The following DOCK5 variants were observed in gnomAD, a reference collection of about 807,000 sequenced individuals.
DOCK5 encodes dedicator of cytokinesis protein 5.
A neutral mutation model predicts 251.8 loss-of-function variants in DOCK5; 142 were observed. The observed-to-expected ratio is 0.56, with a 90% confidence interval of 0.49 to 0.65. The LOEUF (loss-of-function observed/expected upper bound fraction) is 0.65, where lower values mean the gene tolerates loss of function less well. Among genes scored for constraint, DOCK5 ranks in the 30% least tolerant of loss-of-function variants. The pLI is 0.00. For synonymous variants in DOCK5, 842 were observed against 835.5 expected, an observed-to-expected ratio of 1.01 and a Z score of -0.13; for missense variants, 2,111 against 2,312.3, an observed-to-expected ratio of 0.91 and a Z score of 1.79.
At chr8:25,233,458 T>TG (rs1802721311) in intron 1 of DOCK5, among the ~76,000 whole-genome samples, 1 of 152,204 alleles carries the variant, frequency 6.6e-6, no homozygotes, top group Non-Finnish European at 1.5e-5. Context: ...ACCTTTTTGA[T>TG]TGTGTACTTG....
Position 25,411,616 on chromosome 8 carries a change from G to C in DOCK5, c.*318G>C, listed in dbSNP as rs1259875852. 1 of 236,592 alleles carries C rather than the reference G, an allele frequency of 4.2e-6. No homozygotes were observed. 14.7% of individuals were successfully genotyped at this position (236,592 alleles called of 1,614,324 possible). ...GAGACATGGTGGTCTGCACAAGCCT[G>C]GACAAGTTCTTCCATATTGATGGTG... On this transcript the variant is annotated 3_prime_UTR_variant, in exon 52 of 52. Transcript: ENST00000276440.
intron 4 of DOCK5, among the ~76,000 whole-genome samples, chr8:25,275,982 G>A (rs1804035622): frequency 6.6e-6 from 1 of 151,990 alleles, no homozygotes; most frequent in Non-Finnish European, 1.5e-5. Flanking sequence ...TACTTCTCCA[G>A]AATACTAAAC....
Position 25,414,076 on chromosome 8 carries a change from T to A in DOCK5, c.*2778T>A, listed in dbSNP as rs531512746. 1 of 152,376 alleles carries A rather than the reference T, an allele frequency of 6.6e-6. No homozygotes were observed. Among genetic ancestry groups the A allele is most frequent in the East Asian group, 1.9e-4 (1 of 5,190 alleles). 9.4% of individuals were successfully genotyped at this position (152,376 alleles called of 1,614,324 possible). On this transcript the variant is annotated 3_prime_UTR_variant, in exon 52 of 52. Coordinates refer to ENST00000276440, the MANE Select transcript of DOCK5 (RefSeq NM_024940.8). ...TTATCCCTAAAATTGTCACAACTTT[T>A]GTGAATACTGGTATACGGTTGGAGG...
intron 47 of DOCK5, among the ~76,000 whole-genome samples, chr8:25,402,547 C>T (rs991601722): frequency 3.3e-5 from 5 of 152,064 alleles, no homozygotes; most frequent in African/African-American, 7.2e-5. Context: ...CCGCCTGCCT[C>T]GGCCTCCCAA....
At chr8:25,262,158 G>T (rs1235104014) in intron 2 of DOCK5, among the ~76,000 whole-genome samples, 4 of 151,892 alleles carry the variant, frequency 2.6e-5, no homozygotes, top group African/African-American at 9.7e-5. Context: ...AACTTTATAA[G>T]AAACCACCAG....
intron 45 of DOCK5, among the ~76,000 whole-genome samples, chr8:25,397,759 C>T (rs987831217): frequency 6.8e-6 from 1 of 148,068 alleles, no homozygotes; most frequent in African/African-American, 2.4e-5. Flanking sequence ...CTGTGACTGA[C>T]ACATAATATC....
chr8:25,272,013 A>G (rs983564351), intron 3 of DOCK5, among the ~76,000 whole-genome samples: 7 of 152,208 alleles, frequency 4.6e-5, no homozygotes, highest in African/African-American at 1.2e-4. Context: ...TAACTAATAC[A>G]TACATACATA....
chr8:25,269,086 C>G, intron 3 of DOCK5, among the ~76,000 whole-genome samples: 1 of 152,162 alleles, frequency 6.6e-6, no homozygotes. Context: ...GACTGTATTT[C>G]CTACCAGCCA....
intron 1 of DOCK5, among the ~76,000 whole-genome samples, chr8:25,204,261 G>T (rs977975860): frequency 3.3e-5 from 5 of 152,084 alleles, no homozygotes; most frequent in East Asian, 1.9e-4. Context: ...TTTAATACAA[G>T]AAATTTTTTA....
chr8:25,299,260 C>T lies in DOCK5; in HGVS notation c.764+159C>T, dbSNP rs538706577. ...ATGTAAAATCATATGGTCTATGAAG[C>T]CTTCATATGTCACTACTAGAACAAT... On this transcript the variant is annotated intron_variant, in intron 8 of 51. Transcript: ENST00000276440. The T allele has an allele frequency of 2.2e-3, 1,674 of 777,338 alleles. 7 individuals are homozygous for T. Among genetic ancestry groups the T allele is most frequent in the Non-Finnish European group, 3.1e-3 (1,563 of 509,596 alleles). The allele number at this position is 777,338 out of a possible 1,614,324, so 48.2% of individuals were successfully genotyped here.
intron 40 of DOCK5, among the ~76,000 whole-genome samples, chr8:25,383,499 A>G (rs980450874): frequency 3.3e-5 from 5 of 152,128 alleles, no homozygotes; most frequent in African/African-American, 1.2e-4. Flanking sequence ...CATAGTCCCT[A>G]CTCTCATGGA....
chr8:25,380,905 C>T lies in DOCK5; in HGVS notation c.4026+511C>T, dbSNP rs931185816. Among the ~76,000 whole-genome samples, 9 of 150,858 alleles carry T rather than the reference C, an allele frequency of 6.0e-5. No individual in the cohort carries two copies. The East Asian group carries it at 9.9e-4, about 17-fold the overall frequency. ...AGTGGAGGCAGCACCATTCCGAATG[C>T]CCAGTGGAGGCAGCACCATTCCAAA... On this transcript the variant is annotated intron_variant, in intron 39 of 51. Coordinates refer to ENST00000276440, the MANE Select transcript of DOCK5 (RefSeq NM_024940.8).
intron 40 of DOCK5, 78 bp downstream of exon 40, chr8:25,382,856 G>T (rs1801094022): frequency 8.2e-7 from 1 of 1,220,438 alleles, no homozygotes; most frequent in Non-Finnish European, 1.2e-6. Context: ...GGGCAACAGG[G>T]TGTTAGCAGC....
At chr8:25,201,387 T>C (rs1166599731) in intron 1 of DOCK5, among the ~76,000 whole-genome samples, 1 of 152,228 alleles carries the variant, frequency 6.6e-6, no homozygotes, top group Non-Finnish European at 1.5e-5. Flanking sequence ...AAGAGAACAT[T>C]TATATACAAT....
intron 34 of DOCK5, among the ~76,000 whole-genome samples, chr8:25,370,786 G>A (rs950963929): frequency 1.1e-4 from 16 of 151,954 alleles, no homozygotes; most frequent in African/African-American, 2.9e-4. Flanking sequence ...GACTGTAGGC[G>A]TGCACCACCA....
chr8:25,329,420 A>AG (rs1157835174), intron 18 of DOCK5, among the ~76,000 whole-genome samples: 2 of 152,212 alleles, frequency 1.3e-5, no homozygotes, highest in African/African-American at 4.8e-5. Flanking sequence ...TTTCAAGTAT[A>AG]CAGTATACAG....
intron 27 of DOCK5, among the ~76,000 whole-genome samples, chr8:25,352,316 AAAAG>A (rs1306716014): frequency 2.0e-5 from 3 of 151,940 alleles, no homozygotes; most frequent in Non-Finnish European, 4.4e-5. Flanking sequence ...AAGAAAAGAG[AAAAG>A]AAAGAAAATG....
intron 2 of DOCK5, among the ~76,000 whole-genome samples, chr8:25,255,278 T>C (rs1293251252): frequency 6.6e-6 from 1 of 152,212 alleles, no homozygotes; most frequent in African/African-American, 2.4e-5. Context: ...GCTTTATTCA[T>C]AATTGCCAAA....
chr8:25,387,301 C>T lies in DOCK5; in HGVS notation c.4132-1790C>T, dbSNP rs1801182598. On this transcript the variant is annotated intron_variant, in intron 40 of 51. Coordinates refer to ENST00000276440, the MANE Select transcript of DOCK5 (RefSeq NM_024940.8). ...GGCTCAGGCAATCCTGCCTCAGCCT[C>T]CTGAGGAGGTGGGATTACAGGTGTG... 3.3e-5 allele frequency among the ~76,000 whole-genome samples: 5 copies of T among 152,104 alleles called. No individual in the cohort carries two copies. The South Asian group carries it at 1.0e-3, about 32-fold the overall frequency.
Sources: allele counts gnomAD v4.1 joint callset (sites outside exome capture counted in the v4.1 genomes callset), GRCh38; gene constraint gnomAD v4.1.1; transcripts MANE v1.5; gene names NCBI Gene and HGNC (gene_info 2026-07-23, HGNC 2026-07-21).